ROBO2: variants seen among roughly 807,000 people sequenced by gnomAD.
ROBO2 encodes roundabout guidance receptor 2.
ROBO2 carries 53 observed loss-of-function variants against 160.8 expected under a neutral mutation model. That is an observed-to-expected ratio of 0.33 (90% confidence interval 0.26 to 0.41). ROBO2 has a LOEUF of 0.41. ROBO2 is among the 10% of genes least tolerant of loss of function. The probability of loss-of-function intolerance (pLI) is 1.00; values close to 1 mark genes in which losing one functional copy is unlikely to be tolerated. For synonymous variants in ROBO2, 664 were observed against 611.7 expected (o/e 1.09, Z -1.26); for missense variants, 1,577 against 1,722.4 (o/e 0.92, Z 1.49).
At chr3:76,494,631 G>T (rs1486820050) in intron 2 of ROBO2, among the ~76,000 whole-genome samples, 2 of 152,138 alleles carry the variant, frequency 1.3e-5, no homozygotes, top group Admixed American at 6.6e-5. Context: ...AGAAAAAGGG[G>T]AGCGTTTGAG....
At chr3:76,109,610 T>G (rs1442525295) in intron 2 of ROBO2, among the ~76,000 whole-genome samples, 1 of 152,118 alleles carries the variant, frequency 6.6e-6, no homozygotes, top group Non-Finnish European at 1.5e-5. Context: ...CACTGGCTCT[T>G]TACTCTGGTG....
chr3:76,813,403 C>T (rs2065371707), intron 2 of ROBO2, among the ~76,000 whole-genome samples: 1 of 151,704 alleles, frequency 6.6e-6, no homozygotes, highest in South Asian at 2.1e-4. Flanking sequence ...ATTGTTTTGC[C>T]CATCGTTTTT....
At chr3:77,501,267 C>T (rs904343186) in intron 5 of ROBO2, among the ~76,000 whole-genome samples, 11 of 151,980 alleles carry the variant, frequency 7.2e-5, no homozygotes, top group Non-Finnish European at 1.3e-4. Context: ...GAGACACTCT[C>T]CCCTGTACCT....
chr3:76,491,185 C>G (rs547445367), intron 2 of ROBO2, among the ~76,000 whole-genome samples: 1 of 152,130 alleles, frequency 6.6e-6, no homozygotes, highest in African/African-American at 2.4e-5. Context: ...GTTTTGAACT[C>G]CTGACCTTGT....
In ROBO2 at chr3:77,433,491, T is replaced by C. The variant is rs1485969012; in HGVS notation, c.389-43923T>C. 5.4e-3 allele frequency among the ~76,000 whole-genome samples: 316 copies of C among 58,888 alleles called. 21 individuals carry two copies. The Middle Eastern group carries it at 0.056, about 10-fold the overall frequency. 38.6% of individuals were successfully genotyped at this position (58,888 alleles called of 152,430 possible). ...TCCTTCTTCTCTGGCAACTTGTATA[T>C]ATATATATATATATATATATATATA... On this transcript the variant is annotated intron_variant, in intron 2 of 25. Transcript: ENST00000461745.
At chr3:75,907,852 C>CGTGTGTGTGTGTGTGTGT (rs56058203) in intron 1 of ROBO2, among the ~76,000 whole-genome samples, 3 of 148,570 alleles carry the variant, frequency 2.0e-5, no homozygotes, top group African/African-American at 7.5e-5. Flanking sequence ...TAATCGTGTG[C>CGTGTGTGTGTGTGTGTGT]GTGTGTGTGT....
At chr3:76,141,076 T>TATATATATATATATATATATATAA (rs1157246932) in intron 2 of ROBO2, among the ~76,000 whole-genome samples, 8 of 114,126 alleles carry the variant, frequency 7.0e-5, no homozygotes, top group African/African-American at 9.7e-5. Flanking sequence ...TATATATATA[T>TATATATATATATATATATATATAA]AAAATATATG....
At chr3:76,088,223 G>C (rs2069096104) in intron 2 of ROBO2, among the ~76,000 whole-genome samples, 2 of 152,038 alleles carry the variant, frequency 1.3e-5, no homozygotes, top group African/African-American at 4.8e-5. Flanking sequence ...TATAACATAT[G>C]AGGCAAAAAC....
At chr3:77,589,005 A>C (rs2094120529) in intron 17 of ROBO2, 72 bp downstream of exon 18, 3 of 1,554,174 alleles carry the variant, frequency 1.9e-6, no homozygotes, top group Non-Finnish European at 1.8e-6. Context: ...AAGGAACAGA[A>C]AGGAATAACA....
At chr3:76,394,527 G>A (rs1300329313) in intron 2 of ROBO2, among the ~76,000 whole-genome samples, 2 of 152,190 alleles carry the variant, frequency 1.3e-5, no homozygotes, top group Middle Eastern at 3.4e-3. Context: ...GTGGGTAAGC[G>A]ACCTTTCTCT....
intron 2 of ROBO2, among the ~76,000 whole-genome samples, chr3:76,985,744 G>C (rs1489222195): frequency 6.6e-6 from 1 of 152,016 alleles, no homozygotes; most frequent in African/African-American, 2.4e-5. Context: ...CTCAACAGGT[G>C]GGATATAATT....
At chr3:76,956,295 C>T (rs956941010) in intron 2 of ROBO2, among the ~76,000 whole-genome samples, 9 of 152,118 alleles carry the variant, frequency 5.9e-5, no homozygotes, top group Non-Finnish European at 8.8e-5. Context: ...CGGTGGCTCA[C>T]GCCTGTAATC....
At chr3:75,926,290 T>C (rs1257369004) in intron 1 of ROBO2, among the ~76,000 whole-genome samples, 1 of 152,204 alleles carries the variant, frequency 6.6e-6, no homozygotes, top group Admixed American at 6.5e-5. Flanking sequence ...TGCAGGTTTG[T>C]TACAGAGGTG....
intron 2 of ROBO2, among the ~76,000 whole-genome samples, chr3:76,194,361 T>TATAC (rs1702156681): frequency 9.4e-6 from 1 of 106,014 alleles, no homozygotes; most frequent in African/African-American, 4.1e-5. Flanking sequence ...TAAATATATA[T>TATAC]ATATATATAT....
intron 2 of ROBO2, among the ~76,000 whole-genome samples, chr3:76,561,061 C>T (rs1000226899): frequency 2.7e-5 from 4 of 150,628 alleles, no homozygotes; most frequent in Non-Finnish European, 4.4e-5. Context: ...TAGACACACA[C>T]ACACAGATAT....
chr3:77,401,438 C>T (rs1203913810), intron 2 of ROBO2, among the ~76,000 whole-genome samples: 1 of 152,070 alleles, frequency 6.6e-6, no homozygotes, highest in Non-Finnish European at 1.5e-5. Flanking sequence ...ACGCTAGATG[C>T]AACTCAGAAT....
chr3:76,549,192 T>C (rs1282745588), intron 2 of ROBO2, among the ~76,000 whole-genome samples: 1 of 152,180 alleles, frequency 6.6e-6, no homozygotes, highest in Non-Finnish European at 1.5e-5. Context: ...CATTTTTTAT[T>C]TTTAAGTTTT....
intron 2 of ROBO2, among the ~76,000 whole-genome samples, chr3:76,120,945 T>C (rs1380498500): frequency 6.6e-6 from 1 of 152,182 alleles, no homozygotes; most frequent in African/African-American, 2.4e-5. Context: ...CCCTATAGTA[T>C]CTACTAGATT....
chr3:76,839,670 A>G (rs1018101231), intron 2 of ROBO2, among the ~76,000 whole-genome samples: 3 of 152,206 alleles, frequency 2.0e-5, no homozygotes, highest in Admixed American at 6.5e-5. Flanking sequence ...TCAGGGTAAC[A>G]CTGGCATTGT....
Sources: allele counts gnomAD v4.1 joint callset (sites outside exome capture counted in the v4.1 genomes callset), GRCh38; gene constraint gnomAD v4.1.1; transcripts MANE v1.5; gene names NCBI Gene and HGNC (gene_info 2026-07-23, HGNC 2026-07-21).